Variants in PISD observed in about 807,000 individuals in gnomAD.
PISD encodes phosphatidylserine decarboxylase proenzyme, mitochondrial.
A neutral mutation model predicts 43.5 loss-of-function variants in PISD; 31 were observed. The observed-to-expected ratio is 0.71, with a 90% CI of 0.54 to 0.96. The LOEUF (loss-of-function observed/expected upper bound fraction) is 0.96, where lower values mean the gene tolerates loss of function less well. PISD is among the 40% of genes least tolerant of loss of function. The probability of loss-of-function intolerance (pLI) is 0.00; values close to 1 mark genes in which losing one functional copy is unlikely to be tolerated. For synonymous variants in PISD, 259 were observed against 228.7 expected, an observed-to-expected ratio of 1.13 and a Z score of -1.20; for missense variants, 523 against 548.4, an observed-to-expected ratio of 0.95 and a Z score of 0.46.
intron 1 of PISD, among the ~76,000 whole-genome samples, chr22:31,658,534 GT>G: frequency 6.9e-6 from 1 of 145,152 alleles, no homozygotes; most frequent in South Asian, 2.1e-4. Context: ...TGGCATCCTG[GT>G]TATAAGTTTG....
At chr22:31,638,014 G>A (rs1014514651) in intron 3 of PISD, among the ~76,000 whole-genome samples, 1 of 152,236 alleles carries the variant, frequency 6.6e-6, no homozygotes, top group Non-Finnish European at 1.5e-5. Context: ...CGTGGGAGCC[G>A]CAGGCTGAGC....
chr22:31,619,953 G>C, intron 7 of PISD, 117 bp from the exon 8 acceptor site: 2 of 685,812 alleles, frequency 2.9e-6, no homozygotes, highest in Non-Finnish European at 2.5e-6. Flanking sequence ...ACCCAACCCA[G>C]CTCCAAAAGG....
At chr22:31,637,138 T>A (rs868552434) in intron 3 of PISD, among the ~76,000 whole-genome samples, 27 of 31,544 alleles carry the variant, frequency 8.6e-4, no homozygotes, top group African/African-American at 3.0e-3. Context: ...TAATAATAAA[T>A]AAATTAAAAA....
chr22:31,631,155 C>T (rs1212094466), intron 3 of PISD, among the ~76,000 whole-genome samples: 2 of 152,182 alleles, frequency 1.3e-5, no homozygotes, highest in Admixed American at 1.3e-4. Context: ...TCAGTCTGTC[C>T]GCTGGTCTGT....
upstream of PISD, chr22:31,662,354 C>A: frequency 2.6e-6 from 2 of 771,554 alleles, no homozygotes; most frequent in East Asian, 2.5e-5. Context: ...GGCTACTCCC[C>A]ACCTAACCCG....
Position 31,621,178 on chromosome 22 carries a change from C to G in PISD, c.698-36G>C, listed in dbSNP as rs756223053. 3 of 1,613,710 alleles carry G rather than the reference C, an allele frequency of 1.9e-6. No individual in the cohort carries two copies. In the Admixed American group the frequency reaches 5.0e-5, roughly 27 times the overall value. On this transcript the variant is annotated intron_variant, in intron 5 of 7. Coordinates refer to ENST00000439502, the MANE Select transcript of PISD (RefSeq NM_001326411.2). ...GGAGCAGACGTGGGGGCCACCAACACAGTGAGCACCCAGCACGGAGCCCGA... is the reference window on the plus strand; with the variant it reads ...GGAGCAGACGTGGGGGCCACCAACAGAGTGAGCACCCAGCACGGAGCCCGA...
At chr22:31,659,814 C>T (rs1249543016) in intron 1 of PISD, among the ~76,000 whole-genome samples, 1 of 152,020 alleles carries the variant, frequency 6.6e-6, no homozygotes, top group African/African-American at 2.4e-5. Context: ...GATCTCCTGA[C>T]CTCATGATCC....
In PISD at chr22:31,620,715, T is replaced by C. The variant is rs1204501099; in HGVS notation, c.845-2A>G. On this transcript the variant is annotated splice_acceptor_variant, in intron 6 of 7. Transcript: ENST00000439502. LOFTEE classifies it high-confidence loss of function. Reference sequence around the variant, plus strand: ...CAGGGTTCACTGACATCAGGGAGCCTGCAGAGGCAGGGAATGCCGCTACTC... The same window carrying C: ...CAGGGTTCACTGACATCAGGGAGCCCGCAGAGGCAGGGAATGCCGCTACTC... 25 of 1,614,012 alleles carry C rather than the reference T, an allele frequency of 1.5e-5. No individual in the cohort carries two copies. The highest frequency in any genetic ancestry group is 1.9e-5 in the Non-Finnish European group (23 of 1,179,984).
rs142012365 is a variant in PISD, at chr22:31,653,583, C to T, written c.66-2805G>A. ...ACAAACAGCTCAGCTTTTTGTCCAC[C>T]GCTGTAGTCCCAGCTGCTGGAACAA... On this transcript the variant is annotated intron_variant, in intron 1 of 7. Coordinates refer to ENST00000439502, the MANE Select transcript of PISD (RefSeq NM_001326411.2). Among the ~76,000 whole-genome samples the T allele has an allele frequency of 1.2e-3, 176 of 152,282 alleles. 2 individuals carry two copies. The highest frequency in any genetic ancestry group is 6.8e-3 in the Middle Eastern group (2 of 294).
rs187295017 is a variant in PISD, at chr22:31,636,752, C to T, written c.321+11349G>A. Among the ~76,000 whole-genome samples the T allele has an allele frequency of 3.4e-3, 512 of 151,956 alleles. 2 individuals are homozygous for T. The highest frequency in any genetic ancestry group is 0.012 in the African/African-American group (491 of 41,436). On this transcript the variant is annotated intron_variant, in intron 3 of 7. Coordinates refer to ENST00000439502, the MANE Select transcript of PISD (RefSeq NM_001326411.2). ...AGAGACGGGGTTTCAACGTGTTAGC[C>T]AGGATGGTCTCGATCTCCTGACCTT...
chr22:31,652,246 C>T (rs772919499), intron 1 of PISD, among the ~76,000 whole-genome samples: 1 of 151,984 alleles, frequency 6.6e-6, no homozygotes, highest in Non-Finnish European at 1.5e-5. Flanking sequence ...ATTGTCATGC[C>T]TCAGCCTCCT....
At chr22:31,649,051 G>C (rs1341924808) in intron 2 of PISD, among the ~76,000 whole-genome samples, 1 of 151,916 alleles carries the variant, frequency 6.6e-6, no homozygotes, top group Non-Finnish European at 1.5e-5. Context: ...AACTCTTACA[G>C]GTCAACAATA....
At chr22:31,656,657 T>C (rs996784474) in intron 1 of PISD, among the ~76,000 whole-genome samples, 5 of 136,870 alleles carry the variant, frequency 3.7e-5, no homozygotes, top group African/African-American at 1.4e-4. Context: ...CAAAAATAAA[T>C]AAATAAATAA....
intron 3 of PISD, among the ~76,000 whole-genome samples, chr22:31,646,283 A>G (rs146739243): frequency 6.6e-6 from 1 of 152,258 alleles, no homozygotes; most frequent in East Asian, 1.9e-4. Flanking sequence ...ATTTTATTCA[A>G]TCAAGAAGAG....
At chr22:31,627,533 CA>C (rs1321175585) in intron 3 of PISD, among the ~76,000 whole-genome samples, 1 of 152,234 alleles carries the variant, frequency 6.6e-6, no homozygotes, top group Admixed American at 6.5e-5. Context: ...TGATAGCAGT[CA>C]GGGGTGAGCC....
In PISD at chr22:31,659,772, C is replaced by T. The variant is rs112783086; in HGVS notation, c.65+2372G>A. 6.1e-3 allele frequency among the ~76,000 whole-genome samples: 932 copies of T among 152,022 alleles called. 14 individuals carry two copies. Among genetic ancestry groups the T allele is most frequent in the African/African-American group, 0.021 (872 of 41,484 alleles). ...ACACCCGGCTAATTTTTGTTAGAGA[C>T]GGGGTTTCAGCATGTTGGCCAGGCT... is the stretch of plus-strand genomic sequence containing the variant. On this transcript the variant is annotated intron_variant, in intron 1 of 7. Transcript: ENST00000439502.
At chr22:31,621,295 G>A in intron 5 of PISD, 39 bp downstream of exon 5, 1 of 1,612,620 alleles carries the variant, frequency 6.2e-7, no homozygotes, top group Non-Finnish European at 8.5e-7. Flanking sequence ...CAGCCACACA[G>A]CAGCAGGGCT....
rs1469508818 is a variant in PISD, at chr22:31,650,730, TAAG to T, written c.111_113del (p.Leu38del). On this transcript the variant is annotated inframe_deletion, in exon 2 of 8. Coordinates refer to ENST00000439502, the MANE Select transcript of PISD (RefSeq NM_001326411.2). ...GAAAGGCTCTAAAAGGCAGCTTCCG[TAAG>T]GGCTGTAGGGATTGGCTCAGGGCAG... The T allele has an allele frequency of 2.1e-5, 32 of 1,555,652 alleles. No individual in the cohort carries two copies. Among genetic ancestry groups the T allele is most frequent in the Non-Finnish European group, 2.8e-5 (32 of 1,149,546 alleles).
chr22:31,623,829 G>A (rs746616946), intron 3 of PISD: 13 of 1,613,580 alleles, frequency 8.1e-6, no homozygotes, highest in African/African-American at 2.7e-5. Context: ...CCGCCTCAGG[G>A]CCAGCTGGGG....
Sources: gnomAD v4.1 joint callset for allele counts (sites outside exome capture counted in the v4.1 genomes callset) on GRCh38, gnomAD v4.1.1 for gene constraint, MANE v1.5 for transcripts, NCBI Gene and HGNC (gene_info 2026-07-23, HGNC 2026-07-21) for gene names.